Variants in SMURF2 observed in about 807,000 individuals in gnomAD.
SMURF2 encodes SMAD specific E3 ubiquitin protein ligase 2, also known as E3 ubiquitin-protein ligase SMURF2.
In SMURF2, 48 loss-of-function variants were observed where a neutral mutation model predicts 109.6. The ratio of observed to expected loss-of-function variants is 0.44; its 90% CI spans 0.35 to 0.56. SMURF2 has a LOEUF of 0.56. Ranked by LOEUF, SMURF2 falls within the 20% of genes least tolerant of loss-of-function variation. The probability of loss-of-function intolerance (pLI) is 0.01; values close to 1 mark genes in which losing one functional copy is unlikely to be tolerated. For missense variants in SMURF2, 575 were observed against 909.0 expected, an observed-to-expected ratio of 0.63 and a Z score of 4.72; for synonymous variants, 288 against 317.1, an observed-to-expected ratio of 0.91 and a Z score of 0.97.
At chr17:64,632,026 C>T (rs1293724500) in intron 1 of SMURF2, among the ~76,000 whole-genome samples, 2 of 137,174 alleles carry the variant, frequency 1.5e-5, no homozygotes, top group African/African-American at 2.7e-5. Flanking sequence ...GTTGCGATCT[C>T]GGCTCACTGC....
intron 10 of SMURF2, among the ~76,000 whole-genome samples, chr17:64,564,740 C>G (rs1969277052): frequency 6.6e-6 from 1 of 152,184 alleles, no homozygotes; most frequent in Non-Finnish European, 1.5e-5. Flanking sequence ...GGAACAGATT[C>G]TCTCTCAAAG....
intron 6 of SMURF2, among the ~76,000 whole-genome samples, chr17:64,584,603 C>T (rs199976619): frequency 2.6e-5 from 4 of 152,022 alleles, no homozygotes; most frequent in African/African-American, 7.2e-5. Context: ...GTAGTCCTCC[C>T]GCCTCAGCCT....
intron 3 of SMURF2, among the ~76,000 whole-genome samples, chr17:64,595,893 AAC>A (rs1244356091): frequency 6.6e-6 from 1 of 152,192 alleles, no homozygotes; most frequent in Non-Finnish European, 1.5e-5. Flanking sequence ...AGTGGAAAAC[AAC>A]AGTCATGAAA....
At chr17:64,653,971 CA>C (rs1436419048) in intron 1 of SMURF2, among the ~76,000 whole-genome samples, 2 of 152,044 alleles carry the variant, frequency 1.3e-5, no homozygotes, top group Admixed American at 1.3e-4. Context: ...AAGCCTCACC[CA>C]AAAGACTGCA....
chr17:64,648,904 AC>A (rs1451735918), intron 1 of SMURF2, among the ~76,000 whole-genome samples: 3 of 152,084 alleles, frequency 2.0e-5, no homozygotes, highest in African/African-American at 7.2e-5. Flanking sequence ...TTCTTTCTCT[AC>A]AAAATTCCCC....
intron 10 of SMURF2, among the ~76,000 whole-genome samples, chr17:64,567,208 G>C (rs1477282080): frequency 6.6e-6 from 1 of 152,018 alleles, no homozygotes; most frequent in Non-Finnish European, 1.5e-5. Flanking sequence ...TTGAAGAGAG[G>C]AACAAATTAA....
At chr17:64,649,922 A>G (rs989772603) in intron 1 of SMURF2, among the ~76,000 whole-genome samples, 1 of 152,176 alleles carries the variant, frequency 6.6e-6, no homozygotes, top group Non-Finnish European at 1.5e-5. Context: ...TGAATACTTC[A>G]TGATATGCTG....
chr17:64,623,956 G>A (rs1555690899), intron 1 of SMURF2, among the ~76,000 whole-genome samples: 2 of 152,158 alleles, frequency 1.3e-5, no homozygotes, highest in African/African-American at 4.8e-5. Context: ...GTGAAGACAT[G>A]GTTCCCTCCA....
At chr17:64,546,522 G>A (rs1407798022) in intron 17 of SMURF2, among the ~76,000 whole-genome samples, 184 bp from the exon 18 acceptor site, 1 of 152,150 alleles carries the variant, frequency 6.6e-6, no homozygotes, top group Non-Finnish European at 1.5e-5. Context: ...ATTAACCTTG[G>A]ATAAGGCTTA....
At chr17:64,616,446 T>C (rs1555690112) in intron 1 of SMURF2, among the ~76,000 whole-genome samples, 2 of 151,526 alleles carry the variant, frequency 1.3e-5, no homozygotes, top group Admixed American at 6.6e-5. Context: ...GTCAGGAGTT[T>C]GAGACCAGCC....
chr17:64,601,179 C>T (rs2144667082), intron 2 of SMURF2, among the ~76,000 whole-genome samples: 1 of 152,124 alleles, frequency 6.6e-6, no homozygotes, highest in Admixed American at 6.5e-5. Flanking sequence ...TTGCTTGAGC[C>T]TGGGAGGCCG....
intron 1 of SMURF2, among the ~76,000 whole-genome samples, chr17:64,613,733 TGTGTGTGTGTGG>T (rs1970080643): frequency 6.9e-5 from 9 of 129,624 alleles, no homozygotes; most frequent in African/African-American, 2.6e-4. Flanking sequence ...TGTGTGTGTG[TGTGTGTGTGTGG>T]AGGGGGGGCA....
At position 64,554,790 on chromosome 17, in the gene SMURF2, G is replaced by C. The variant is rs553320552; in HGVS notation, c.1748+66C>G. ...TAAGTAGTACTATCTAAATATTTAA[G>C]TTTGTTCATACTAACATTCTAGAAC... On this transcript the variant is annotated intron_variant, in intron 15 of 18. Transcript: ENST00000262435. 2,953 of 1,473,068 alleles carry C rather than the reference G, an allele frequency of 2.0e-3. 9 individuals are homozygous for C. Among genetic ancestry groups the C allele is most frequent in the Non-Finnish European group, 2.5e-3 (2,621 of 1,067,626 alleles). 91.2% of individuals were successfully genotyped at this position (1,473,068 alleles called of 1,614,324 possible).
chr17:64,625,969 A>T (rs1970263158), intron 1 of SMURF2, among the ~76,000 whole-genome samples: 1 of 152,142 alleles, frequency 6.6e-6, no homozygotes, highest in Non-Finnish European at 1.5e-5. Flanking sequence ...TACATTAAGA[A>T]CCTCATTAAA....
At chr17:64,611,149 AC>A (rs1306692150) in intron 1 of SMURF2, among the ~76,000 whole-genome samples, 1 of 152,232 alleles carries the variant, frequency 6.6e-6, no homozygotes, top group Non-Finnish European at 1.5e-5. Context: ...CCTGAGGATC[AC>A]AGTGTCCATT....
At chr17:64,658,218 G>A (rs1211300639) in intron 1 of SMURF2, among the ~76,000 whole-genome samples, 3 of 152,066 alleles carry the variant, frequency 2.0e-5, no homozygotes, top group Non-Finnish European at 4.4e-5. Context: ...CCAGCCAGGC[G>A]TGGTGGTGGG....
At chr17:64,630,108 C>T (rs977281904) in intron 1 of SMURF2, among the ~76,000 whole-genome samples, 6 of 151,912 alleles carry the variant, frequency 3.9e-5, no homozygotes, top group Non-Finnish European at 8.8e-5. Context: ...TGGTGGTGCA[C>T]GCCTGTAGTC....
rs145699396 is a variant in SMURF2, at chr17:64,572,215, T to A, written c.858-259A>T. ...TCCTAGGCTTTAATGTAATACAGAT[T>A]TAAATTAATATAAAATCAATCCCAA... On this transcript the variant is annotated intron_variant, in intron 9 of 18. Transcript: ENST00000262435. Among the ~76,000 whole-genome samples, 307 of 152,326 alleles carry A rather than the reference T, an allele frequency of 2.0e-3. 1 individual carries two copies. The highest frequency in any genetic ancestry group is 7.1e-3 in the African/African-American group (297 of 41,586).
Position 64,593,535 on chromosome 17 carries a change from C to T in SMURF2, c.239G>A (p.Trp80Ter). Residue 80 changes from tryptophan to a stop codon, truncating the protein, a stop_gained, in exon 4 of 19, where the codon TGG becomes TAG. Coordinates refer to ENST00000262435, the MANE Select transcript of SMURF2 (RefSeq NM_022739.4). LOFTEE classifies it high-confidence loss of function. ...TTTCTTATGGATCTTCTTGTGATTCCATACACTGATCGTAACTGAATCAGA... is the reference window on the plus strand; with the variant it reads ...TTTCTTATGGATCTTCTTGTGATTCTATACACTGATCGTAACTGAATCAGA... ...GKSDSVTISV[W>*]NHKKIHKKQG... 1 of 1,586,074 alleles carries T rather than the reference C, an allele frequency of 6.3e-7. No homozygotes were observed. Among genetic ancestry groups the T allele is most frequent in the Non-Finnish European group, 8.6e-7 (1 of 1,162,332 alleles).
Sources: allele counts gnomAD v4.1 joint callset (sites outside exome capture counted in the v4.1 genomes callset), GRCh38; gene constraint gnomAD v4.1.1; transcripts MANE v1.5; gene names NCBI Gene and HGNC (gene_info 2026-07-23, HGNC 2026-07-21).